SMCHD1: variants seen among roughly 807,000 people sequenced by gnomAD.
SMCHD1 encodes the protein structural maintenance of chromosomes flexible hinge domain containing 1, also known as structural maintenance of chromosomes flexible hinge domain-containing protein 1.
A neutral mutation model predicts 254.7 loss-of-function variants in SMCHD1; 78 were observed. That is an observed-to-expected ratio of 0.31 (90% CI 0.26 to 0.37). The LOEUF (loss-of-function observed/expected upper bound fraction) is 0.37. SMCHD1 is among the 10% of genes least tolerant of loss of function. The pLI is 1.00. For missense variants in SMCHD1, 1,840 were observed against 2,408.1 expected, an observed-to-expected ratio of 0.76 and a Z score of 4.94; for synonymous variants, 766 against 794.9, an observed-to-expected ratio of 0.96 and a Z score of 0.61.
chr18:2,732,296 C>CAA lies in SMCHD1; in HGVS notation c.3080_3081insAA (p.Lys1029LeufsTer17). On this transcript the variant is annotated frameshift_variant, in exon 25 of 48. Coordinates refer to ENST00000320876, the MANE Select transcript of SMCHD1 (RefSeq NM_015295.3). LOFTEE classifies it high-confidence loss of function. The stretch of plus-strand genomic sequence containing the variant: ...AAAGATGTGGCACCTGTGGAGAAGA[C>CAA]TATTAAGTTGCTTCCCAGTAGCCAT... 6.2e-7 allele frequency: 1 copy of CAA among 1,613,730 alleles called. No homozygotes were observed. Among genetic ancestry groups the CAA allele is most frequent in the Non-Finnish European group, 8.5e-7 (1 of 1,179,750 alleles).
chr18:2,721,312 C>G (rs987787363), intron 19 of SMCHD1, among the ~76,000 whole-genome samples: 1 of 152,028 alleles, frequency 6.6e-6, no homozygotes, highest in Non-Finnish European at 1.5e-5. Flanking sequence ...GTCATTGTTA[C>G]AGGGTTTTTG....
intron 10 of SMCHD1, among the ~76,000 whole-genome samples, chr18:2,700,249 T>C (rs1195941522): frequency 1.3e-5 from 2 of 152,228 alleles, no homozygotes; most frequent in South Asian, 2.1e-4. Context: ...GATTTTGTTA[T>C]AGGGGATAAT....
intron 5 of SMCHD1, among the ~76,000 whole-genome samples, chr18:2,681,562 G>A (rs2073927054): frequency 6.8e-6 from 1 of 146,066 alleles, no homozygotes; most frequent in Non-Finnish European, 1.5e-5. Context: ...TCCAGCCTGG[G>A]CGACTGAGTG....
chr18:2,660,559 C>T (rs1205629979), intron 1 of SMCHD1, among the ~76,000 whole-genome samples: 1 of 150,142 alleles, frequency 6.7e-6, no homozygotes, highest in Non-Finnish European at 1.5e-5. Context: ...CTGCAACCTC[C>T]GCCTCCCAAG....
chr18:2,662,843 C>G (rs1220052073), intron 1 of SMCHD1, among the ~76,000 whole-genome samples: 1 of 152,004 alleles, frequency 6.6e-6, no homozygotes, highest in East Asian at 1.9e-4. Flanking sequence ...CTTTATTTCT[C>G]TAGGGTGGAA....
chr18:2,780,801 T>C (rs1250278555), intron 44 of SMCHD1, among the ~76,000 whole-genome samples: 1 of 152,228 alleles, frequency 6.6e-6, no homozygotes, highest in Non-Finnish European at 1.5e-5. Flanking sequence ...GAGACCTGGC[T>C]TTCATGACCC....
At chr18:2,694,444 C>A in intron 7 of SMCHD1, 83 bp from the exon 8 acceptor site, 2 of 1,179,118 alleles carry the variant, frequency 1.7e-6, no homozygotes, top group Non-Finnish European at 2.3e-6. Flanking sequence ...CCAAGTAAAT[C>A]ACATTAAAAT....
rs753486472 is a variant in SMCHD1 at position 2,771,643 on chromosome 18, A to G, written c.5052+25A>G. On this transcript the variant is annotated intron_variant, in intron 40 of 47. Transcript: ENST00000320876. Reference sequence around the variant, plus strand: ...GGTACAGCTTCCAACTATACGTGAAAGATTTTTTATTAAAGTCTATTCTAC... The same window carrying G: ...GGTACAGCTTCCAACTATACGTGAAGGATTTTTTATTAAAGTCTATTCTAC... 2.1e-6 allele frequency: 3 copies of G among 1,440,230 alleles called. No individual in the cohort carries two copies. The Admixed American group carries it at 8.5e-5, about 41-fold the overall frequency. 89.2% of individuals were successfully genotyped at this position (1,440,230 alleles called of 1,614,324 possible).
intron 19 of SMCHD1, among the ~76,000 whole-genome samples, chr18:2,721,484 A>G (rs1656896903): frequency 6.6e-6 from 1 of 152,118 alleles, no homozygotes; most frequent in South Asian, 2.1e-4. Flanking sequence ...CTGTAGTTTA[A>G]GCAGTTTCCT....
At chr18:2,689,220 CTTTTTT>C (rs71159003) in intron 7 of SMCHD1, among the ~76,000 whole-genome samples, 1 of 132,080 alleles carries the variant, frequency 7.6e-6, no homozygotes, top group African/African-American at 2.8e-5. Flanking sequence ...GATTTTTTTT[CTTTTTT>C]TTTTTTTTTG....
chr18:2,782,744 C>CAAAAAAAAAAAAAAA (rs779083565), intron 44 of SMCHD1, among the ~76,000 whole-genome samples: 4 of 44,980 alleles, frequency 8.9e-5, no homozygotes, highest in Admixed American at 3.8e-4. Context: ...GACCACAACT[C>CAAAAAAAAAAAAAAA]AAAAAAAAAA....
At chr18:2,723,066 A>G (rs1203958952) in intron 20 of SMCHD1, among the ~76,000 whole-genome samples, 1 of 152,190 alleles carries the variant, frequency 6.6e-6, no homozygotes, top group East Asian at 1.9e-4. Context: ...TTTTTAAAAA[A>G]ATGTTCTCAA....
intron 3 of SMCHD1, among the ~76,000 whole-genome samples, chr18:2,670,571 T>C (rs1380209161): frequency 1.3e-5 from 2 of 152,184 alleles, no homozygotes; most frequent in African/African-American, 2.4e-5. Context: ...TTTATTCAGT[T>C]CCTAGAACAA....
rs1020206967 is a variant in SMCHD1 at position 2,723,608 on chromosome 18, G to A, written c.2603+945G>A. On this transcript the variant is annotated intron_variant, in intron 20 of 47. Transcript: ENST00000320876. ...GAACAGGGCTGGGGTGGGAATTGGGGAGGAGAGGTCTCAGTATCCATATGC... is the reference window on the plus strand; with the variant it reads ...GAACAGGGCTGGGGTGGGAATTGGGAAGGAGAGGTCTCAGTATCCATATGC... 2.0e-5 allele frequency among the ~76,000 whole-genome samples: 3 copies of A among 152,140 alleles called. 1 individual carries two copies. The highest frequency in any genetic ancestry group is 2.0e-4 in the Admixed American group (3 of 15,280).
At chr18:2,702,225 A>C (rs998140647) in intron 12 of SMCHD1, 9 of 146,642 alleles carry the variant, frequency 6.1e-5, no homozygotes, top group Non-Finnish European at 1.2e-4. Flanking sequence ...AGGCTGAGGC[A>C]GGAGGATGGC....
At chr18:2,657,023 T>C (rs553915059) in intron 1 of SMCHD1, among the ~76,000 whole-genome samples, 1 of 152,146 alleles carries the variant, frequency 6.6e-6, no homozygotes, top group Non-Finnish European at 1.5e-5. Flanking sequence ...TTTATAGATA[T>C]GAGGTGGTGG....
intron 25 of SMCHD1, among the ~76,000 whole-genome samples, chr18:2,733,884 A>G (rs1269961116): frequency 6.6e-6 from 1 of 152,206 alleles, no homozygotes; most frequent in Non-Finnish European, 1.5e-5. Context: ...AGAAATAAGC[A>G]TTCCTCCATG....
At chr18:2,794,420 C>T (rs2076223374) in intron 45 of SMCHD1, among the ~76,000 whole-genome samples, 2 of 152,138 alleles carry the variant, frequency 1.3e-5, no homozygotes, top group African/African-American at 4.8e-5. Context: ...ATGGGAGAAT[C>T]ACCTGAGCCC....
intron 25 of SMCHD1, among the ~76,000 whole-genome samples, chr18:2,735,215 C>T (rs1238539290): frequency 2.6e-5 from 4 of 152,078 alleles, no homozygotes; most frequent in Admixed American, 2.0e-4. Flanking sequence ...TCAGTAGACG[C>T]AGAAAATGCT....
Sources: gnomAD v4.1 joint callset for allele counts (sites outside exome capture counted in the v4.1 genomes callset) on GRCh38, gnomAD v4.1.1 for gene constraint, MANE v1.5 for transcripts, NCBI Gene and HGNC (gene_info 2026-07-23, HGNC 2026-07-21) for gene names.